The following GATA3 variants were observed in gnomAD, a reference collection of about 807,000 sequenced individuals.
GATA3 encodes GATA binding protein 3, also known as trans-acting T-cell-specific transcription factor GATA-3.
A neutral mutation model predicts 36.0 loss-of-function variants in GATA3; 6 were observed. The ratio of observed to expected loss-of-function variants is 0.17; its 90% confidence interval spans 0.09 to 0.33. GATA3 has a LOEUF of 0.33. GATA3 is among the 10% of genes least tolerant of loss of function. The pLI is 1.00. For missense variants in GATA3, 514 were observed against 610.1 expected, an observed-to-expected ratio of 0.84 and a Z score of 1.66; for synonymous variants, 326 against 273.0, an observed-to-expected ratio of 1.19 and a Z score of -1.92.
chr10:8,072,752 T>C (rs1425446631), intron 5 of GATA3, among the ~76,000 whole-genome samples: 1 of 152,136 alleles, frequency 6.6e-6, no homozygotes, highest in Non-Finnish European at 1.5e-5. Flanking sequence ...TACATGTTGA[T>C]TGGTTGGTTG....
Position 8,064,024 on chromosome 10 carries a change from C to T in GATA3, c.810C>T (p.Thr270=), listed in dbSNP as rs779164606. ...EGRECVNCGA[T]STPLWRRDGT... ...GGGAGTGTGTGAACTGTGGGGCAAC[C>T]TCGACCCCACTGTGGCGGCGAGATG... is the stretch of plus-strand genomic sequence containing the variant. The change falls in exon 4 of 6, where the codon ACC becomes ACT. Residue 270 remains threonine (T), a synonymous_variant. Transcript: ENST00000379328. 1 of 1,614,194 alleles carries T rather than the reference C, an allele frequency of 6.2e-7. No homozygotes were observed. The highest frequency in any genetic ancestry group is 1.7e-5 in the Admixed American group (1 of 60,022).
intron 4 of GATA3, among the ~76,000 whole-genome samples, chr10:8,067,785 T>C (rs961911823): frequency 2.1e-4 from 32 of 152,144 alleles, no homozygotes; most frequent in Non-Finnish European, 4.4e-4. Flanking sequence ...GCCACTGCAC[T>C]CCAGCCTGGG....
At chr10:8,068,246 C>A (rs553086307) in intron 4 of GATA3, among the ~76,000 whole-genome samples, 9 of 152,256 alleles carry the variant, frequency 5.9e-5, no homozygotes, top group African/African-American at 2.2e-4. Context: ...TGAGGCTGAC[C>A]TTTGACCTGC....
At chr10:8,056,889 C>T (rs746762896) in intron 2 of GATA3, among the ~76,000 whole-genome samples, 4 of 152,224 alleles carry the variant, frequency 2.6e-5, no homozygotes, top group Non-Finnish European at 4.4e-5. Context: ...AGGGGTAAAA[C>T]ATCGGGCAGA....
At chr10:8,063,023 G>A (rs1832775225) in intron 3 of GATA3, among the ~76,000 whole-genome samples, 1 of 152,232 alleles carries the variant, frequency 6.6e-6, no homozygotes, top group Admixed American at 6.5e-5. Context: ...TTTCCAGCCT[G>A]GGCTGAGGGA....
At chr10:8,058,151 C>T (rs963655074) in intron 2 of GATA3, among the ~76,000 whole-genome samples, 154 bp from the exon 3 acceptor site, 6 of 152,126 alleles carry the variant, frequency 3.9e-5, no homozygotes, top group African/African-American at 9.7e-5. Context: ...GCAGGTACTC[C>T]GGGGACCGCC....
chr10:8,070,856 A>T (rs995804965), intron 5 of GATA3, among the ~76,000 whole-genome samples: 33 of 152,004 alleles, frequency 2.2e-4, no homozygotes, highest in Admixed American at 1.9e-3. Context: ...ACGATCCCTT[A>T]TTCTCCCTTA....
In GATA3 at chr10:8,055,786, CGGA is replaced by C; in HGVS notation, c.137_139del (p.Glu46del). On this transcript the variant is annotated inframe_deletion, in exon 2 of 6. Coordinates refer to ENST00000379328, the MANE Select transcript of GATA3 (RefSeq NM_001002295.2). The surrounding 1 kb of genome is among the most constrained non-coding windows in gnomAD (Gnocchi z 5.4). ...ATGGACGCGGCGCAGTACCCGCTGC[CGGA>C]GGAGGTGGATGTGCTTTTTAACATC... 1 of 1,592,874 alleles carries C rather than the reference CGGA, an allele frequency of 6.3e-7. No individual in the cohort carries two copies. The highest frequency in any genetic ancestry group is 1.7e-5 in the Admixed American group (1 of 57,684).
chr10:8,063,716 A>G (rs542670382), intron 3 of GATA3, among the ~76,000 whole-genome samples: 5 of 152,108 alleles, frequency 3.3e-5, no homozygotes, highest in Non-Finnish European at 7.4e-5. Flanking sequence ...CTTCTCCATC[A>G]AGTCGGGCAA....
At chr10:8,051,970 A>G (rs1237608799), upstream of GATA3, among the ~76,000 whole-genome samples, 2 of 150,094 alleles carry the variant, frequency 1.3e-5, no homozygotes, top group African/African-American at 4.9e-5. Context: ...TCCCCCTCCC[A>G]TCCTTTTCCC....
intron 3 of GATA3, among the ~76,000 whole-genome samples, chr10:8,061,733 C>T (rs1021193849): frequency 6.6e-6 from 1 of 152,206 alleles, no homozygotes; most frequent in Non-Finnish European, 1.5e-5. Context: ...CAAGGTGTTT[C>T]TGAAAAGGAA....
At chr10:8,071,072 GCTGTAATTTATGGATTTCAAAGAA>G (rs1832923536) in intron 5 of GATA3, among the ~76,000 whole-genome samples, 1 of 152,148 alleles carries the variant, frequency 6.6e-6, no homozygotes, top group Non-Finnish European at 1.5e-5. Context: ...TTATTTTTGG[GCTGTAATTTATGGATTTCAAAGAA>G]CTTTCATGTT....
At chr10:8,071,369 G>T (rs953491117) in intron 5 of GATA3, among the ~76,000 whole-genome samples, 7 of 152,102 alleles carry the variant, frequency 4.6e-5, no homozygotes, top group African/African-American at 1.7e-4. Context: ...GTAACAAATT[G>T]TGTGTGTGTA....
In GATA3 at chr10:8,058,285, C is replaced by T; in HGVS notation, c.242-20C>T. The T allele has an allele frequency of 1.2e-6, 2 of 1,613,376 alleles. No individual in the cohort carries two copies. Among genetic ancestry groups the T allele is most frequent in the Non-Finnish European group, 1.7e-6 (2 of 1,179,888 alleles). On this transcript the variant is annotated intron_variant, in intron 2 of 5. Coordinates refer to ENST00000379328, the MANE Select transcript of GATA3 (RefSeq NM_001002295.2). ...ACTCACCCTCCTTCTCTCTCCTGCC[C>T]TTTCCCCGTTGCCCCACAGGGAGCC... is the stretch of plus-strand genomic sequence containing the variant.
At position 8,074,796 on chromosome 10, in the gene GATA3, C is replaced by T. The variant is rs1009799963; in HGVS notation, c.*773C>T. ...AACTGTTGTATAAATTTATTTACTG[C>T]TAGTCTTAAGAACTGCTTTCTTTCG... On this transcript the variant is annotated 3_prime_UTR_variant, in exon 6 of 6. Coordinates refer to ENST00000379328, the MANE Select transcript of GATA3 (RefSeq NM_001002295.2). 1.3e-4 allele frequency: 31 copies of T among 233,584 alleles called. 1 individual carries two copies. Among genetic ancestry groups the T allele is most frequent in the African/African-American group, 4.6e-4 (21 of 45,338 alleles). The allele number at this position is 233,584 out of a possible 1,614,324, so 14.5% of individuals were successfully genotyped here.
At chr10:8,072,596 A>G (rs548265106) in intron 5 of GATA3, among the ~76,000 whole-genome samples, 1 of 152,336 alleles carries the variant, frequency 6.6e-6, no homozygotes, top group Admixed American at 6.5e-5. Context: ...TTAAGAAGAG[A>G]GAAATGGCAG....
rs183286974 is a variant in GATA3 at position 8,070,277 on chromosome 10, A to G, written c.1050+679A>G. 1.3e-4 allele frequency among the ~76,000 whole-genome samples: 20 copies of G among 152,266 alleles called. No homozygotes were observed. In the East Asian group the frequency reaches 3.5e-3, roughly 26 times the overall value. ...TTCTCCTTTTATATCATGTTAGCAG[A>G]GCGGTAATTGCCAGTCACCTGAATT... On this transcript the variant is annotated intron_variant, in intron 5 of 5. Transcript: ENST00000379328.
chr10:8,068,243 G>A (rs534808194), intron 4 of GATA3, among the ~76,000 whole-genome samples: 2 of 152,326 alleles, frequency 1.3e-5, no homozygotes, highest in African/African-American at 4.8e-5. Context: ...GGTTGAGGCT[G>A]ACCTTTGACC....
In GATA3 at chr10:8,047,768, C is replaced by G. The variant is rs1215393347; in HGVS notation, c.-370+2253C>G. 3.3e-5 allele frequency among the ~76,000 whole-genome samples: 5 copies of G among 152,174 alleles called. No homozygotes were observed. In the East Asian group the frequency reaches 9.6e-4, roughly 29 times the overall value. On this transcript the variant is annotated intron_variant, in intron 1 of 1. Transcript: ENST00000643001. ...TTTATATAACAAATTGCTTAGGGTC[C>G]GCGAGGTGGAAGGCAGCCTAGAGCT...
Sources: gnomAD v4.1 joint callset for allele counts (sites outside exome capture counted in the v4.1 genomes callset) on GRCh38, gnomAD v4.1.1 for gene constraint, Gnocchi (gnomAD v3.1) non-coding constraint, MANE v1.5 for transcripts, NCBI Gene and HGNC (gene_info 2026-07-23, HGNC 2026-07-21) for gene names.